Variants in GATA3 observed in about 807,000 individuals in gnomAD.
The protein encoded by GATA3 is GATA binding protein 3.
In GATA3, 6 loss-of-function variants were observed where a neutral mutation model predicts 36.0. The ratio of observed to expected loss-of-function variants is 0.17; its 90% CI spans 0.09 to 0.33. The LOEUF (loss-of-function observed/expected upper bound fraction) is 0.33, where lower values mean the gene tolerates loss of function less well. GATA3 is among the 10% of genes least tolerant of loss of function. The pLI is 1.00. For missense variants in GATA3, 514 were observed against 610.1 expected (o/e 0.84, Z 1.66); for synonymous variants, 326 against 273.0 (o/e 1.19, Z -1.92).
rs372517287 is a variant in GATA3 at position 8,074,041 on chromosome 10, A to G, written c.*18A>G. 3.1e-6 allele frequency: 5 copies of G among 1,613,234 alleles called. No individual in the cohort carries two copies. The highest frequency in any genetic ancestry group is 4.2e-6 in the Non-Finnish European group (5 of 1,179,562). ...TGGGTTAGAGCCCTGCTCGATGCTC[A>G]CAGGGCCCCCAGCGAGAGTCCCTGC... On this transcript the variant is annotated 3_prime_UTR_variant, in exon 6 of 6. Coordinates refer to ENST00000379328, the MANE Select transcript of GATA3 (RefSeq NM_001002295.2).
Position 8,061,088 on chromosome 10 carries a change from TC to T in GATA3, c.778+2248del, listed in dbSNP as rs1181507775. ...GTTGCTCTCTCTCTCTCTCTCTCTC[TC>T]TTTTTTACCCCTTTAACCTCTTCTT... On this transcript the variant is annotated intron_variant, in intron 3 of 5. Transcript: ENST00000379328. 3.4e-3 allele frequency among the ~76,000 whole-genome samples: 508 copies of T among 147,898 alleles called. 4 individuals are homozygous for T. The highest frequency in any genetic ancestry group is 0.012 in the African/African-American group (474 of 39,196).
At chr10:8,071,113 T>C (rs1832924265) in intron 5 of GATA3, among the ~76,000 whole-genome samples, 1 of 152,358 alleles carries the variant, frequency 6.6e-6, no homozygotes, top group East Asian at 1.9e-4. Context: ...TGTTACTTGA[T>C]TACATTTGAG....
chr10:8,058,852 G>A lies in GATA3; in HGVS notation c.778+11G>A, dbSNP rs1329428932. 1.9e-6 allele frequency: 3 copies of A among 1,600,756 alleles called. No individual in the cohort carries two copies. The highest frequency in any genetic ancestry group is 1.3e-5 in the African/African-American group (1 of 74,932). Reference sequence around the variant, plus strand: ...CCCGGTCCAGCACAGGTAGGAGCCAGCTCTTCCCTGGAGCCTTTTCTCCTC... The same window carrying A: ...CCCGGTCCAGCACAGGTAGGAGCCAACTCTTCCCTGGAGCCTTTTCTCCTC... On this transcript the variant is annotated intron_variant, in intron 3 of 5. Transcript: ENST00000379328.
chr10:8,067,772 C>G (rs576052566), intron 4 of GATA3, among the ~76,000 whole-genome samples: 5 of 152,142 alleles, frequency 3.3e-5, no homozygotes, highest in Non-Finnish European at 5.9e-5. Flanking sequence ...GAGCCGAGAT[C>G]GCGCCACTGC....
At chr10:8,069,645 G>A (rs1832900079) in intron 5 of GATA3, 47 bp downstream of exon 5, 1 of 1,611,292 alleles carries the variant, frequency 6.2e-7, no homozygotes, top group South Asian at 1.1e-5. Context: ...TCCTGATGGT[G>A]ACCAGCAAAC....
At position 8,074,130 on chromosome 10, in the gene GATA3, G is replaced by A. The variant is rs1226584460; in HGVS notation, c.*107G>A. The A allele has an allele frequency of 1.5e-6, 2 of 1,317,524 alleles. No individual in the cohort carries two copies. The highest frequency in any genetic ancestry group is 2.4e-5 in the East Asian group (1 of 40,998). The allele number at this position is 1,317,524 out of a possible 1,614,324, so 81.6% of individuals were successfully genotyped here. A position where few individuals can be genotyped will look rare whatever the true frequency, so the allele number is the denominator to read the frequency against. On this transcript the variant is annotated 3_prime_UTR_variant, in exon 6 of 6. Coordinates refer to ENST00000379328, the MANE Select transcript of GATA3 (RefSeq NM_001002295.2). ...TGAAGCCTAAACGCGATGGATATAT[G>A]TTTTTGAAGGCAGAAAGCAAAATTA...
chr10:8,053,680 G>C (rs1588371995), upstream of GATA3: 1 of 152,460 alleles, frequency 6.6e-6, no homozygotes, highest in Admixed American at 6.5e-5. The surrounding 1 kb of genome is among the most constrained non-coding windows in gnomAD (Gnocchi z 5.1). Flanking sequence ...CCGCGAGCCG[G>C]GGAAGGTCGC....
chr10:8,069,659 G>A (rs913085409), intron 5 of GATA3, 61 bp downstream of exon 5: 44 of 1,588,694 alleles, frequency 2.8e-5, no homozygotes, highest in Non-Finnish European at 3.4e-5. Context: ...AGCAAACAGC[G>A]TCACCACCAC....
intron 5 of GATA3, among the ~76,000 whole-genome samples, chr10:8,071,969 A>G (rs1257499774): frequency 3.3e-5 from 5 of 152,130 alleles, no homozygotes; most frequent in Non-Finnish European, 5.9e-5. Context: ...GTATCTGGAC[A>G]TTATCTTGGT....
intron 5 of GATA3, among the ~76,000 whole-genome samples, chr10:8,072,201 C>T (rs761989514): frequency 6.6e-6 from 1 of 152,176 alleles, no homozygotes; most frequent in Non-Finnish European, 1.5e-5. Flanking sequence ...AGCTCAGCTT[C>T]GGGAAGCTGG....
In GATA3 at chr10:8,069,577, G is replaced by T. The variant is rs995327443; in HGVS notation, c.1029G>T (p.Gly343=). 5.6e-6 allele frequency: 9 copies of T among 1,613,914 alleles called. No individual in the cohort carries two copies. Among genetic ancestry groups the T allele is most frequent in the Non-Finnish European group, 7.6e-6 (9 of 1,180,022 alleles). Residue 343 remains glycine, a synonymous_variant, in exon 5 of 6, where the codon GGG becomes GGT. Coordinates refer to ENST00000379328, the MANE Select transcript of GATA3 (RefSeq NM_001002295.2). ...GGGACCCTGTCTGCAATGCCTGTGGGCTCTACTACAAGCTTCACAATGTAA... is the reference window on the plus strand; with the variant it reads ...GGGACCCTGTCTGCAATGCCTGTGGTCTCTACTACAAGCTTCACAATGTAA... The part of the protein sequence containing the change: ...ANGDPVCNAC[G]LYYKLHNINR...
rs959351374 is a variant in GATA3 at position 8,055,366 on chromosome 10, G to C, written c.-290G>C. On this transcript the variant is annotated 5_prime_UTR_variant, in exon 2 of 6. Transcript: ENST00000379328. The surrounding 1 kb of genome is among the most constrained non-coding windows in gnomAD (Gnocchi z 5.4). ...GCCTGGCTCGCAGAATTGCAGAGTC[G>C]TCGCCCCTTTTTACAACCTGGTCCC... 1 of 516,456 alleles carries C rather than the reference G, an allele frequency of 1.9e-6. No individual in the cohort carries two copies. Among genetic ancestry groups the C allele is most frequent in the Admixed American group, 3.4e-5 (1 of 29,052 alleles). 32.0% of individuals were successfully genotyped at this position (516,456 alleles called of 1,614,324 possible).
At chr10:8,067,522 T>G (rs923598469) in intron 4 of GATA3, among the ~76,000 whole-genome samples, 1 of 152,110 alleles carries the variant, frequency 6.6e-6, no homozygotes, top group Non-Finnish European at 1.5e-5. Flanking sequence ...GATATAAAAC[T>G]GTACCAGAAT....
intron 3 of GATA3, among the ~76,000 whole-genome samples, chr10:8,061,150 A>G (rs1005784465): frequency 6.6e-6 from 1 of 151,852 alleles, no homozygotes; most frequent in Non-Finnish European, 1.5e-5. Context: ...CACAGAGAAG[A>G]GAGAGTTTTT....
At chr10:8,049,835 T>C (rs1244183), upstream of GATA3, among the ~76,000 whole-genome samples, 117,148 of 152,082 alleles carry the variant, frequency 0.77, 45,264 homozygotes, top group East Asian at 0.95. Context: ...GAAGGAAATA[T>C]GGACATGGTT....
intron 4 of GATA3, among the ~76,000 whole-genome samples, chr10:8,065,700 G>GTTTTTTTT (rs748515966): frequency 1.3e-3 from 84 of 62,282 alleles, no homozygotes; most frequent in Middle Eastern, 0.017. Context: ...CAGCAGTTTG[G>GTTTTTTTT]TTTTTTTTTT....
At chr10:8,060,529 CTTTTTCTTTTT>C (rs905193313) in intron 3 of GATA3, among the ~76,000 whole-genome samples, 11 of 63,378 alleles carry the variant, frequency 1.7e-4, no homozygotes, top group African/African-American at 4.3e-4. Context: ...GATTTCTTTT[CTTTTTCTTTTT>C]TTTTTAAAGT....
intron 2 of GATA3, among the ~76,000 whole-genome samples, chr10:8,057,974 G>A (rs917080360): frequency 1.3e-5 from 2 of 152,172 alleles, no homozygotes. Flanking sequence ...TGTGATTTAG[G>A]CGGTGTATCT....
rs35508267 is a variant in GATA3 at position 8,058,636 on chromosome 10, C to G, written c.573C>G (p.Pro191=). Residue 191 remains proline (P), a synonymous_variant, in exon 3 of 6, where the codon CCC becomes CCG. Transcript: ENST00000379328. ...KECLKYQVPL[P]DSMKLESSHS... Reference sequence around the variant, plus strand: ...GCCTCAAGTACCAGGTGCCCCTGCCCGACAGCATGAAGCTGGAGTCGTCCC... The same window carrying G: ...GCCTCAAGTACCAGGTGCCCCTGCCGGACAGCATGAAGCTGGAGTCGTCCC... 1.9e-6 allele frequency: 3 copies of G among 1,612,862 alleles called. No homozygotes were observed. The highest frequency in any genetic ancestry group is 8.5e-7 in the Non-Finnish European group (1 of 1,179,950).
Sources: allele counts gnomAD v4.1 joint callset (sites outside exome capture counted in the v4.1 genomes callset), GRCh38; gene constraint gnomAD v4.1.1; non-coding constraint Gnocchi (gnomAD v3.1); transcripts MANE v1.5; gene names NCBI Gene and HGNC (gene_info 2026-07-23, HGNC 2026-07-21).